The following CACNA1I variants were observed in gnomAD, a reference collection of about 807,000 sequenced individuals.
The protein encoded by CACNA1I is calcium voltage-gated channel subunit alpha1 I.
Under a neutral mutation model 201.6 loss-of-function variants are expected in CACNA1I, and 74 were observed. The ratio of observed to expected loss-of-function variants is 0.37; its 90% CI spans 0.30 to 0.45. The LOEUF (loss-of-function observed/expected upper bound fraction) is 0.45, where lower values mean the gene tolerates loss of function less well. Among genes scored for constraint, CACNA1I ranks in the 20% least tolerant of loss-of-function variants. The pLI is 1.00. For missense variants in CACNA1I, 2,346 were observed against 3,138.1 expected, an observed-to-expected ratio of 0.75 and a Z score of 6.03; for synonymous variants, 1,431 against 1,345.2, an observed-to-expected ratio of 1.06 and a Z score of -1.40.
intron 1 of CACNA1I, among the ~76,000 whole-genome samples, chr22:39,575,746 A>G (rs185486696): frequency 2.4e-4 from 37 of 151,574 alleles, no homozygotes; most frequent in African/African-American, 8.7e-4. Flanking sequence ...TCCACCCTAG[A>G]TTAGACTTTC....
At chr22:39,613,031 T>C (rs1162170377) in intron 3 of CACNA1I, among the ~76,000 whole-genome samples, 1 of 152,256 alleles carries the variant, frequency 6.6e-6, no homozygotes, top group Admixed American at 6.5e-5. Flanking sequence ...AATCACATTT[T>C]AAGAAAGCCC....
chr22:39,573,944 G>A (rs1270168629), intron 1 of CACNA1I, among the ~76,000 whole-genome samples: 5 of 152,160 alleles, frequency 3.3e-5, no homozygotes, highest in Non-Finnish European at 7.3e-5. Flanking sequence ...TTTCAGTCCC[G>A]GGAGCTGCGC....
chr22:39,628,180 C>G (rs1260738946), intron 4 of CACNA1I, among the ~76,000 whole-genome samples: 1 of 152,202 alleles, frequency 6.6e-6, no homozygotes, highest in Non-Finnish European at 1.5e-5. Flanking sequence ...TGTGGATTAA[C>G]TGACTCATGG....
intron 27 of CACNA1I, 128 bp downstream of exon 27, chr22:39,672,436 A>G: frequency 1.4e-6 from 1 of 706,960 alleles, no homozygotes; most frequent in Non-Finnish European, 2.6e-6. Flanking sequence ...ACGGATGGAC[A>G]GGCACCCCAG....
intron 3 of CACNA1I, among the ~76,000 whole-genome samples, chr22:39,605,544 A>G (rs1933196792): frequency 6.6e-6 from 1 of 152,234 alleles, no homozygotes; most frequent in Non-Finnish European, 1.5e-5. Context: ...CCTTGTGCAG[A>G]GCAGTGGGGG....
At chr22:39,604,556 G>A (rs1933155174) in intron 3 of CACNA1I, among the ~76,000 whole-genome samples, 1 of 152,166 alleles carries the variant, frequency 6.6e-6, no homozygotes, top group Non-Finnish European at 1.5e-5. Context: ...AATGATGTAG[G>A]TGGTCCTGGC....
Position 39,668,316 on chromosome 22 carries a change from G to A in CACNA1I, c.4129G>A (p.Ala1377Thr), listed in dbSNP as rs1356278582. Reference protein sequence around the residue: ...GQALMSLFVLASKDGWVNIMY... With the variant: ...GQALMSLFVLTSKDGWVNIMY... Reference sequence around the variant, plus strand: ...GGCTCTGATGTCCCTCTTTGTCCTGGCATCCAAGGATGGTTGGGTGAACAT... The same window carrying A: ...GGCTCTGATGTCCCTCTTTGTCCTGACATCCAAGGATGGTTGGGTGAACAT... Residue 1377 changes from alanine to threonine, a missense_variant, in exon 24 of 37, where the codon GCA (alanine) becomes ACA (threonine). Coordinates refer to ENST00000402142, the MANE Select transcript of CACNA1I (RefSeq NM_021096.4). The A allele has an allele frequency of 6.2e-7, 1 of 1,613,154 alleles. No individual in the cohort carries two copies. Among genetic ancestry groups the A allele is most frequent in the Non-Finnish European group, 8.5e-7 (1 of 1,179,224 alleles).
chr22:39,651,667 T>TACCCTCGAGCCCCGGCACTGTCCTTGCC (rs1934652486), intron 10 of CACNA1I, among the ~76,000 whole-genome samples: 1 of 152,196 alleles, frequency 6.6e-6, no homozygotes, highest in Non-Finnish European at 1.5e-5. Flanking sequence ...ACAGCCCTGC[T>TACCCTCGAGCCCCGGCACTGTCCTTGCC]ACCCTCGAGC....
At chr22:39,597,597 G>A (rs1395722127) in intron 1 of CACNA1I, among the ~76,000 whole-genome samples, 1 of 152,252 alleles carries the variant, frequency 6.6e-6, no homozygotes, top group Non-Finnish European at 1.5e-5. Flanking sequence ...GGCTTGGTGC[G>A]GGTGTTTTGG....
chr22:39,619,223 C>T (rs977291892), intron 3 of CACNA1I, 87 bp from the exon 4 acceptor site: 69 of 970,826 alleles, frequency 7.1e-5, no homozygotes, highest in South Asian at 1.7e-4. Context: ...GGCAGTAGTG[C>T]GCAGGTGGCT....
intron 2 of CACNA1I, among the ~76,000 whole-genome samples, chr22:39,598,729 T>C (rs1014107608): frequency 5.3e-5 from 8 of 152,064 alleles, no homozygotes; most frequent in African/African-American, 1.9e-4. Context: ...CTAGATGCCC[T>C]TTAGGAGCGG....
intron 29 of CACNA1I, among the ~76,000 whole-genome samples, chr22:39,674,721 C>T (rs1041418135): frequency 6.8e-6 from 1 of 146,674 alleles, no homozygotes; most frequent in African/African-American, 2.6e-5. Context: ...AGGGTGGCCT[C>T]TGCTCTCAGC....
At chr22:39,612,746 A>G (rs1933421371) in intron 3 of CACNA1I, among the ~76,000 whole-genome samples, 1 of 152,204 alleles carries the variant, frequency 6.6e-6, no homozygotes, top group African/African-American at 2.4e-5. Flanking sequence ...GACCATAGCA[A>G]TGGGTGAAAT....
At chr22:39,593,499 G>A (rs1436060218) in intron 1 of CACNA1I, among the ~76,000 whole-genome samples, 2 of 152,224 alleles carry the variant, frequency 1.3e-5, no homozygotes. Flanking sequence ...CTCTGAAACA[G>A]TCTGCCTGCT....
intron 1 of CACNA1I, among the ~76,000 whole-genome samples, chr22:39,577,787 A>G (rs531886431): frequency 3.9e-5 from 6 of 152,162 alleles, no homozygotes; most frequent in African/African-American, 1.4e-4. Context: ...GCGTTAGGAG[A>G]TGGAGACTCA....
chr22:39,618,068 G>C (rs920637045), intron 3 of CACNA1I, among the ~76,000 whole-genome samples: 1 of 150,678 alleles, frequency 6.6e-6, no homozygotes, highest in South Asian at 2.1e-4. Flanking sequence ...TGTGTATGCG[G>C]GTGTGTGGTT....
chr22:39,642,416 G>A (rs1454818820), intron 6 of CACNA1I, among the ~76,000 whole-genome samples: 2 of 152,154 alleles, frequency 1.3e-5, no homozygotes, highest in Non-Finnish European at 2.9e-5. Flanking sequence ...CCCCAGCTCT[G>A]CCAGGTGGGC....
At chr22:39,584,852 T>G (rs1932688149) in intron 1 of CACNA1I, among the ~76,000 whole-genome samples, 1 of 152,194 alleles carries the variant, frequency 6.6e-6, no homozygotes, top group Non-Finnish European at 1.5e-5. Context: ...AATATTTCCA[T>G]GTCACATCAT....
chr22:39,585,852 C>A (rs2145810656), intron 1 of CACNA1I, among the ~76,000 whole-genome samples: 1 of 149,400 alleles, frequency 6.7e-6, no homozygotes, highest in South Asian at 2.2e-4. Flanking sequence ...TGCACCACTG[C>A]ACCTGGTTTA....
Sources: gnomAD v4.1 joint callset for allele counts (sites outside exome capture counted in the v4.1 genomes callset) on GRCh38, gnomAD v4.1.1 for gene constraint, MANE v1.5 for transcripts, NCBI Gene and HGNC (gene_info 2026-07-23, HGNC 2026-07-21) for gene names.